CDK5RAP2: variants seen among roughly 807,000 people sequenced by gnomAD.
CDK5RAP2 encodes CDK5 regulatory subunit-associated protein 2.
CDK5RAP2 carries 147 observed loss-of-function variants against 232.9 expected under a neutral mutation model. That is an observed-to-expected ratio of 0.63 (90% confidence interval 0.55 to 0.72). The LOEUF (loss-of-function observed/expected upper bound fraction) is 0.72, where lower values mean the gene tolerates loss of function less well. Ranked by LOEUF, CDK5RAP2 falls within the 30% of genes least tolerant of loss-of-function variation. CDK5RAP2 has a pLI of 0.00. For synonymous variants in CDK5RAP2, 833 were observed against 833.7 expected, an observed-to-expected ratio of 1.00 and a Z score of 0.01; for missense variants, 2,195 against 2,231.5, an observed-to-expected ratio of 0.98 and a Z score of 0.33.
intron 1 of CDK5RAP2, among the ~76,000 whole-genome samples, chr9:120,577,834 C>T (rs1225036040): frequency 1.3e-5 from 2 of 152,092 alleles, no homozygotes; most frequent in African/African-American, 2.4e-5. Flanking sequence ...AGGCCTGGGA[C>T]CCCAAAACCC....
chr9:120,510,354 C>T lies in CDK5RAP2; in HGVS notation c.1311+8073G>A, dbSNP rs73660270. ...ACACACTTGTCAGGGTAGCGGATGA[C>T]GGGTCTCATAACAGATGAAAGCATT... is the stretch of plus-strand genomic sequence containing the variant. On this transcript the variant is annotated intron_variant, in intron 12 of 37. Coordinates refer to ENST00000349780, the MANE Select transcript of CDK5RAP2 (RefSeq NM_018249.6). Among the ~76,000 whole-genome samples, 586 of 152,146 alleles carry T rather than the reference C, an allele frequency of 3.9e-3. 6 individuals carry two copies. The highest frequency in any genetic ancestry group is 0.013 in the African/African-American group (555 of 41,492).
intron 24 of CDK5RAP2, among the ~76,000 whole-genome samples, chr9:120,437,749 T>G (rs976604718): frequency 6.6e-6 from 1 of 152,200 alleles, no homozygotes; most frequent in Non-Finnish European, 1.5e-5. Flanking sequence ...ATTTTTAACC[T>G]TATAAAGCCC....
At chr9:120,518,210 T>TGTGACAGAGA (rs1554770753) in intron 12 of CDK5RAP2, among the ~76,000 whole-genome samples, 1 of 43,934 alleles carries the variant, frequency 2.3e-5, no homozygotes, top group Non-Finnish European at 4.9e-5. Context: ...TGTGTGTGTG[T>TGTGACAGAGA]GAGAGAGAGA....
intron 35 of CDK5RAP2, 82 bp downstream of exon 35, chr9:120,400,660 G>A: frequency 1.3e-6 from 2 of 1,554,786 alleles, no homozygotes; most frequent in South Asian, 2.2e-5. Context: ...CATCTGCTGT[G>A]GGCCCCTGCT....
rs1017207467 is a variant in CDK5RAP2 at position 120,439,395 on chromosome 9, G to T, written c.3722+4C>A. 1 of 1,612,392 alleles carries T rather than the reference G, an allele frequency of 6.2e-7. No individual in the cohort carries two copies. On this transcript the variant is annotated splice_donor_region_variant and intron_variant, in intron 24 of 37. Coordinates refer to ENST00000349780, the MANE Select transcript of CDK5RAP2 (RefSeq NM_018249.6). Reference sequence around the variant, plus strand: ...AACGGGGAGACGGCAGAGGTGGAACGTACCTGGGAGGTGAGAGATCTCTGA... The same window carrying T: ...AACGGGGAGACGGCAGAGGTGGAACTTACCTGGGAGGTGAGAGATCTCTGA...
chr9:120,436,408 A>C (rs1057039737), intron 25 of CDK5RAP2, among the ~76,000 whole-genome samples: 1 of 152,218 alleles, frequency 6.6e-6, no homozygotes, highest in Non-Finnish European at 1.5e-5. Context: ...TAACGTGGAG[A>C]CTGGATCCCG....
intron 21 of CDK5RAP2, among the ~76,000 whole-genome samples, chr9:120,452,760 T>C (rs1402210561): frequency 2.0e-5 from 3 of 150,142 alleles, no homozygotes; most frequent in East Asian, 2.0e-4. Context: ...CAAACCCGGG[T>C]TGGAAGGTAG....
At chr9:120,468,481 G>A (rs2037511508) in intron 17 of CDK5RAP2, among the ~76,000 whole-genome samples, 1 of 152,184 alleles carries the variant, frequency 6.6e-6, no homozygotes, top group African/African-American at 2.4e-5. Flanking sequence ...ATCTGGCAAT[G>A]CCAGTAATAT....
At position 120,403,332 on chromosome 9, in the gene CDK5RAP2, G is replaced by A. The variant is rs112775345; in HGVS notation, c.5042-261C>T. The A allele has an allele frequency of 3.5e-4, 171 of 485,968 alleles. 1 individual carries two copies. The highest frequency in any genetic ancestry group is 3.1e-3 in the African/African-American group (157 of 51,454). 30.1% of individuals were successfully genotyped at this position (485,968 alleles called of 1,614,324 possible). A position where few individuals can be genotyped will look rare whatever the true frequency, so the allele number is the denominator to read the frequency against. On this transcript the variant is annotated intron_variant, in intron 33 of 37. Coordinates refer to ENST00000349780, the MANE Select transcript of CDK5RAP2 (RefSeq NM_018249.6). The surrounding 1 kb of genome is among the most constrained non-coding windows in gnomAD (Gnocchi z 4.2). The stretch of plus-strand genomic sequence containing the variant: ...ACCACCCACTCGGCAGAAGACCCCA[G>A]ATTCACAAGGATGACTCAAGCTGGT...
intron 23 of CDK5RAP2, among the ~76,000 whole-genome samples, chr9:120,442,295 A>C (rs2035943494): frequency 6.6e-6 from 1 of 152,134 alleles, no homozygotes. Flanking sequence ...CACTCCTGCA[A>C]TCCAATCTCC....
intron 7 of CDK5RAP2, among the ~76,000 whole-genome samples, chr9:120,536,106 T>C (rs1471244384): frequency 6.6e-6 from 1 of 152,198 alleles, no homozygotes; most frequent in African/African-American, 2.4e-5. Flanking sequence ...AAATGCTAAC[T>C]TTAGTATCTG....
chr9:120,518,336 C>A, intron 12 of CDK5RAP2, 91 bp downstream of exon 12: 2 of 1,017,958 alleles, frequency 2.0e-6, no homozygotes, highest in East Asian at 2.4e-5. Context: ...TTTCTTAAGT[C>A]TTCTGTACTG....
At chr9:120,528,896 C>T in intron 8 of CDK5RAP2, 99 bp from the exon 9 acceptor site, 2 of 824,436 alleles carry the variant, frequency 2.4e-6, no homozygotes, top group Non-Finnish European at 4.3e-6. Context: ...TACTCACCTT[C>T]CCCCACTACT....
chr9:120,494,063 G>A (rs530038996), intron 12 of CDK5RAP2, among the ~76,000 whole-genome samples: 40 of 147,912 alleles, frequency 2.7e-4, no homozygotes, highest in African/African-American at 8.8e-4. Context: ...CTGCACTCCA[G>A]CCTGGGCAGT....
chr9:120,539,050 A>C lies in CDK5RAP2; in HGVS notation c.498T>G (p.Leu166=). Residue 166 remains leucine, a synonymous_variant, in exon 6 of 38, where the codon CTT becomes CTG. Transcript: ENST00000349780. ...VEDLLTKRIL[L]LEKDVTAAQA... is the part of the protein sequence containing the mutation. The stretch of plus-strand genomic sequence containing the variant: ...GGATTTCCAGACTTGCCTTTTCCAA[A>C]AGGAGTATTCTTTTAGTTAGGAGAT... The C allele has an allele frequency of 1.2e-6, 2 of 1,614,062 alleles. No homozygotes were observed. Among genetic ancestry groups the C allele is most frequent in the South Asian group, 1.1e-5 (1 of 91,080 alleles).
intron 18 of CDK5RAP2, among the ~76,000 whole-genome samples, chr9:120,461,491 C>T (rs2131460018): frequency 6.6e-6 from 1 of 152,290 alleles, no homozygotes; most frequent in Admixed American, 6.5e-5. Context: ...CCAGCCACTC[C>T]CGGATAAGGA....
At chr9:120,547,630 A>G (rs1240889898) in intron 4 of CDK5RAP2, among the ~76,000 whole-genome samples, 2 of 152,092 alleles carry the variant, frequency 1.3e-5, no homozygotes, top group African/African-American at 4.8e-5. Context: ...TTCCAGTAAG[A>G]TTTACCGTCT....
chr9:120,420,235 C>T (rs1179044949), intron 26 of CDK5RAP2, among the ~76,000 whole-genome samples: 4 of 152,146 alleles, frequency 2.6e-5, no homozygotes, highest in African/African-American at 9.7e-5. Context: ...GGACTTGGGT[C>T]GACGGCAGCT....
chr9:120,511,735 CTT>C (rs747030569), intron 12 of CDK5RAP2, among the ~76,000 whole-genome samples: 53 of 110,690 alleles, frequency 4.8e-4, no homozygotes, highest in African/African-American at 1.0e-3. Context: ...TCACAACATG[CTT>C]TTTTTTTTTT....
Sources: gnomAD v4.1 joint callset for allele counts (sites outside exome capture counted in the v4.1 genomes callset) on GRCh38, gnomAD v4.1.1 for gene constraint, Gnocchi (gnomAD v3.1) non-coding constraint, MANE v1.5 for transcripts, NCBI Gene and HGNC (gene_info 2026-07-23, HGNC 2026-07-21) for gene names.